OR1I1: variants seen among roughly 807,000 people sequenced by gnomAD.
OR1I1 encodes the protein olfactory receptor 1I1.
For missense variants in OR1I1, 451 were observed against 443.6 expected (o/e 1.02, Z -0.15); for synonymous variants, 171 against 181.4 (o/e 0.94, Z 0.46).
chr19:15,087,166 C>T lies in OR1I1; in HGVS notation c.101C>T (p.Thr34Ile), dbSNP rs753683631. The part of the protein sequence containing the change: ...QTLLFTMFLS[T>I]YLVTIIGNAL... ...CTCCTCTTCACAATGTTCCTCTCCA[C>T]ATACCTGGTCACCATCATTGGAAAT... is the stretch of plus-strand genomic sequence containing the variant. Residue 34 changes from threonine to isoleucine, a missense_variant, in exon 2 of 2, where the codon ACA (threonine) becomes ATA (isoleucine). Physicochemically the swap from Thr to Ile is moderately conservative, Grantham distance 89. Transcript: ENST00000641398. 13 of 1,614,058 alleles carry T rather than the reference C, an allele frequency of 8.1e-6. No homozygotes were observed. The African/African-American group carries it at 1.6e-4, about 20-fold the overall frequency.
rs1433151774 is a variant in OR1I1, at chr19:15,088,709, TAGACAGAC to T, written c.*580_*587del. 2.5e-5 allele frequency: 1 copy of T among 40,612 alleles called. No individual in the cohort carries two copies. The highest frequency in any genetic ancestry group is 4.5e-5 in the African/African-American group (1 of 22,166). The allele number at this position is 40,612 out of a possible 1,614,324, so 2.5% of individuals were successfully genotyped here. On this transcript the variant is annotated 3_prime_UTR_variant, in exon 2 of 2. Transcript: ENST00000641398. ...ATAGATAGATAGATAGATAGATAGA[TAGACAGAC>T]AGATAGATAGAGAGGATAAGATAAG...
At position 15,090,859 on chromosome 19, in the gene OR1I1, G is replaced by A. The variant is rs2046253696; in HGVS notation, c.*2726G>A. ...CCCTCCTCGGCTTCACAAAGTGCTGGGATTGCAGGTGTAAACCACCACACT... is the reference window on the plus strand; with the variant it reads ...CCCTCCTCGGCTTCACAAAGTGCTGAGATTGCAGGTGTAAACCACCACACT... On this transcript the variant is annotated 3_prime_UTR_variant, in exon 2 of 2. Coordinates refer to ENST00000641398, the MANE Select transcript of OR1I1 (RefSeq NM_001004713.2). 6.6e-6 allele frequency: 1 copy of A among 152,206 alleles called. No homozygotes were observed. Among genetic ancestry groups the A allele is most frequent in the African/African-American group, 2.4e-5 (1 of 41,434 alleles). 9.4% of individuals were successfully genotyped at this position (152,206 alleles called of 1,614,324 possible). A position where few individuals can be genotyped will look rare whatever the true frequency, so the allele number is the denominator to read the frequency against.
chr19:15,088,340 G>A lies in OR1I1; in HGVS notation c.*207G>A, dbSNP rs1483162820. ...ATAAGAGTAGTTGAAAACAAGAGAC[G>A]TAGCTACACTCATTTTAGTATTGAC... is the stretch of plus-strand genomic sequence containing the variant. On this transcript the variant is annotated 3_prime_UTR_variant, in exon 2 of 2. Transcript: ENST00000641398. The A allele has an allele frequency of 1.6e-5, 9 of 566,046 alleles. No individual in the cohort carries two copies. The highest frequency in any genetic ancestry group is 4.8e-5 in the South Asian group (2 of 41,976). The allele number at this position is 566,046 out of a possible 1,614,324, so 35.1% of individuals were successfully genotyped here. A position where few individuals can be genotyped will look rare whatever the true frequency, so the allele number is the denominator to read the frequency against.
chr19:15,089,308 C>T lies in OR1I1; in HGVS notation c.*1175C>T, dbSNP rs953731158. The T allele has an allele frequency of 1.2e-4, 18 of 152,146 alleles. No individual in the cohort carries two copies. The highest frequency in any genetic ancestry group is 4.3e-4 in the African/African-American group (18 of 41,430). The allele number at this position is 152,146 out of a possible 1,614,324, so 9.4% of individuals were successfully genotyped here. ...ATTCCCAACAGGCTTCCTGTCTCCC[C>T]ACAACCCCCAGTCAAGGGGACTCTG... On this transcript the variant is annotated 3_prime_UTR_variant, in exon 2 of 2. Transcript: ENST00000641398.
chr19:15,088,810 T>TAGATAGATAGATAGACAGAC lies in OR1I1; in HGVS notation c.*690_*691insGACAGACAGATAGATAGATA, dbSNP rs2046244181. Reference sequence around the variant, plus strand: ...ATAGATAGATAGATAGATAGATAGATAGATAGATAGATATACAGATAGATA... The same window carrying TAGATAGATAGATAGACAGAC: ...ATAGATAGATAGATAGATAGATAGATAGATAGATAGATAGACAGACAGATAGATAGATATACAGATAGATA... On this transcript the variant is annotated 3_prime_UTR_variant, in exon 2 of 2. Coordinates refer to ENST00000641398, the MANE Select transcript of OR1I1 (RefSeq NM_001004713.2). 1 of 150,668 alleles carries TAGATAGATAGATAGACAGAC rather than the reference T, an allele frequency of 6.6e-6. No homozygotes were observed. Among genetic ancestry groups the TAGATAGATAGATAGACAGAC allele is most frequent in the South Asian group, 2.1e-4 (1 of 4,776 alleles). The allele number at this position is 150,668 out of a possible 1,614,324, so 9.3% of individuals were successfully genotyped here. A position where few individuals can be genotyped will look rare whatever the true frequency, so the allele number is the denominator to read the frequency against.
intron 1 of OR1I1, among the ~76,000 whole-genome samples, chr19:15,083,007 A>G (rs747732538): frequency 2.6e-4 from 40 of 151,794 alleles, no homozygotes; most frequent in African/African-American, 8.9e-4. Flanking sequence ...GGATCTTCCT[A>G]TGTTGCCCAG....
rs2046256106 is a variant in OR1I1 at position 15,091,507 on chromosome 19, A to G, written c.*3374A>G. On this transcript the variant is annotated 3_prime_UTR_variant, in exon 2 of 2. Coordinates refer to ENST00000641398, the MANE Select transcript of OR1I1 (RefSeq NM_001004713.2). ...ACCCCATCTCTACTAAAAATACAAA[A>G]AATTAGCCGGACATGTTGGCGGGCA... 1.3e-5 allele frequency: 2 copies of G among 152,198 alleles called. No homozygotes were observed. The highest frequency in any genetic ancestry group is 1.3e-4 in the Admixed American group (2 of 15,262). The allele number at this position is 152,198 out of a possible 1,614,324, so 9.4% of individuals were successfully genotyped here.
rs1555717400 is a variant in OR1I1, at chr19:15,085,176, A to ATATATATGTTT, written c.-13-1876_-13-1875insATATATGTTTT. ...TATATATATATATATATATATATAT[A>ATATATATGTTT]TTTTTTTTTTTGAGACAGAGTTTCG... is the stretch of plus-strand genomic sequence containing the variant. On this transcript the variant is annotated intron_variant, in intron 1 of 1. Transcript: ENST00000641398. 8.7e-5 allele frequency among the ~76,000 whole-genome samples: 7 copies of ATATATATGTTT among 80,126 alleles called. 1 individual carries two copies. Among genetic ancestry groups the ATATATATGTTT allele is most frequent in the East Asian group, 4.9e-4 (1 of 2,060 alleles). The allele number at this position is 80,126 out of a possible 152,430, so 52.6% of individuals were successfully genotyped here. A position where few individuals can be genotyped will look rare whatever the true frequency, so the allele number is the denominator to read the frequency against.
Position 15,088,098 on chromosome 19 carries a change from G to T in OR1I1, c.1033G>T (p.Val345Phe), listed in dbSNP as rs1328479161. The change falls in exon 2 of 2, where the codon GTT (valine) becomes TTT (phenylalanine). Residue 345 changes from valine to phenylalanine, a missense_variant. Physicochemically the swap from Val to Phe is conservative, Grantham distance 50 (BLOSUM62 -1). Coordinates refer to ENST00000641398, the MANE Select transcript of OR1I1 (RefSeq NM_001004713.2). Reference sequence around the variant, plus strand: ...GCATCCCATCCCCTACCCTGGAGGAGTTCAGAGTCTAGCTGGGAACAGAGA... The same window carrying T: ...GCATCCCATCCCCTACCCTGGAGGATTTCAGAGTCTAGCTGGGAACAGAGA... ...EMHPIPYPGG[V>F]QSLAGNRDME is the part of the protein sequence containing the mutation. The T allele has an allele frequency of 2.6e-6, 4 of 1,563,316 alleles. No homozygotes were observed. In the South Asian group the frequency reaches 3.5e-5, roughly 14 times the overall value.
In OR1I1 at chr19:15,087,673, G is replaced by A. The variant is rs1035217740; in HGVS notation, c.608G>A (p.Gly203Asp). 1 of 1,614,150 alleles carries A rather than the reference G, an allele frequency of 6.2e-7. No individual in the cohort carries two copies. The highest frequency in any genetic ancestry group is 1.1e-5 in the South Asian group (1 of 91,084). Residue 203 changes from glycine (G) to aspartate (D), a missense_variant, in exon 2 of 2, where the codon GGC (glycine) becomes GAC (aspartate). Transcript: ENST00000641398. ...HTNELVIFAF[G>D]IVVGTSPFSC... ...AACGAGCTGGTGATCTTTGCTTTTG[G>A]CATTGTCGTGGGCACCAGCCCATTC...
intron 1 of OR1I1, among the ~76,000 whole-genome samples, chr19:15,082,801 GT>G (rs1006555432): frequency 4.6e-5 from 7 of 151,614 alleles, no homozygotes; most frequent in African/African-American, 1.4e-4. Context: ...GGATTGTTTT[GT>G]TTGTTTGTTT....
rs1196059942 is a variant in OR1I1 at position 15,087,504 on chromosome 19, G to A, written c.439G>A (p.Ala147Thr). 6.2e-7 allele frequency: 1 copy of A among 1,614,186 alleles called. No individual in the cohort carries two copies. The highest frequency in any genetic ancestry group is 8.5e-7 in the Non-Finnish European group (1 of 1,180,032). The change falls in exon 2 of 2, where the codon GCA becomes ACA. Residue 147 changes from alanine (A) to threonine (T), a missense_variant. Ala to Thr is a moderately conservative substitution (Grantham distance 58). Coordinates refer to ENST00000641398, the MANE Select transcript of OR1I1 (RefSeq NM_001004713.2). ...CSPVCGLLLG[A>T]SWMITNLQSL... The stretch of plus-strand genomic sequence containing the variant: ...CCCTGTCTGTGGGCTGCTGCTGGGA[G>A]CATCATGGATGATCACCAACCTCCA...
chr19:15,087,966 C>T lies in OR1I1; in HGVS notation c.901C>T (p.Leu301=). ...ACGGAACAAGGATATGAAGGCAGCC[C>T]TGGGGAAGCTCATCGGCAAAGTGGC... ...SIRNKDMKAA[L]GKLIGKVAVP... The change falls in exon 2 of 2, where the codon CTG becomes TTG. Residue 301 remains leucine, a synonymous_variant. Transcript: ENST00000641398. 1 of 1,614,188 alleles carries T rather than the reference C, an allele frequency of 6.2e-7. No individual in the cohort carries two copies.
At position 15,087,826 on chromosome 19, in the gene OR1I1, C is replaced by A. The variant is rs781032501; in HGVS notation, c.761C>A (p.Thr254Asn). 2.5e-6 allele frequency: 4 copies of A among 1,614,072 alleles called. No homozygotes were observed. The highest frequency in any genetic ancestry group is 3.4e-6 in the Non-Finnish European group (4 of 1,180,034). The change falls in exon 2 of 2, where the codon ACC (threonine) becomes AAC (asparagine). Residue 254 changes from threonine (T) to asparagine (N), a missense_variant. Thr to Asn is a moderately conservative substitution (Grantham distance 65). Coordinates refer to ENST00000641398, the MANE Select transcript of OR1I1 (RefSeq NM_001004713.2). ...ACTGTGGTGTCACTGTCCTATGGGA[C>A]CATCTTTGCTGTGTACTTACAGCCC... ...HLTVVSLSYGTIFAVYLQPTS... is the reference protein window; with the variant it reads ...HLTVVSLSYGNIFAVYLQPTS...
In OR1I1 at chr19:15,088,225, T is replaced by C. The variant is rs1216247749; in HGVS notation, c.*92T>C. The C allele has an allele frequency of 2.1e-6, 3 of 1,431,472 alleles. No individual in the cohort carries two copies. Among genetic ancestry groups the C allele is most frequent in the Non-Finnish European group, 2.8e-6 (3 of 1,084,202 alleles). 88.7% of individuals were successfully genotyped at this position (1,431,472 alleles called of 1,614,324 possible). On this transcript the variant is annotated 3_prime_UTR_variant, in exon 2 of 2. Coordinates refer to ENST00000641398, the MANE Select transcript of OR1I1 (RefSeq NM_001004713.2). ...AAAGGTGTGCATTTTCCCCAGGATT[T>C]ATCTTCCCCAAAAAGATCAGAATAG...
At position 15,091,978 on chromosome 19, in the gene OR1I1, T is replaced by C. The variant is rs16980317; in HGVS notation, c.*3845T>C. 0.029 allele frequency: 4,322 copies of C among 151,372 alleles called. 92 individuals are homozygous for C. The highest frequency in any genetic ancestry group is 0.045 in the Non-Finnish European group (3,037 of 67,878). 9.4% of individuals were successfully genotyped at this position (151,372 alleles called of 1,614,324 possible). On this transcript the variant is annotated 3_prime_UTR_variant, in exon 2 of 2. Coordinates refer to ENST00000641398, the MANE Select transcript of OR1I1 (RefSeq NM_001004713.2). ...AGATTTGGGGTGCCGCTCTAGCCAC[T>C]GTGTCCAGGAGGGAACCTTCCCAAC...
At chr19:15,086,847 C>G (rs2046231814) in intron 1 of OR1I1, 2 of 688,890 alleles carry the variant, frequency 2.9e-6, no homozygotes, top group Admixed American at 3.3e-5. Context: ...TCCTTGAGAC[C>G]CTGACTGTCT....
chr19:15,082,813 G>C (rs1387557926), intron 1 of OR1I1, among the ~76,000 whole-genome samples: 1 of 151,774 alleles, frequency 6.6e-6, no homozygotes, highest in Non-Finnish European at 1.5e-5. Flanking sequence ...TTGTTTGTTT[G>C]TTCTTTCTGT....
rs753912378 is a variant in OR1I1, at chr19:15,087,490, GGCT to G, written c.433_435del (p.Leu145del). The G allele has an allele frequency of 2.5e-6, 4 of 1,614,124 alleles. No homozygotes were observed. The South Asian group carries it at 3.3e-5, about 13-fold the overall frequency. ...GTTCTCATGTGCTCCCCTGTCTGTGGGCTGCTGCTGGGAGCATCATGGATGATC... is the reference window on the plus strand; with the variant it reads ...GTTCTCATGTGCTCCCCTGTCTGTGGGCTGCTGGGAGCATCATGGATGATC... On this transcript the variant is annotated inframe_deletion, in exon 2 of 2. Transcript: ENST00000641398.
Sources: allele counts gnomAD v4.1 joint callset (sites outside exome capture counted in the v4.1 genomes callset), GRCh38; gene constraint gnomAD v4.1.1; transcripts MANE v1.5; gene names NCBI Gene and HGNC (gene_info 2026-07-23, HGNC 2026-07-21).